Variants in RALYL observed in about 807,000 individuals in gnomAD.
RALYL encodes RNA-binding Raly-like protein.
RALYL carries 29 observed loss-of-function variants against 35.1 expected under a neutral mutation model. The ratio of observed to expected loss-of-function variants is 0.83; its 90% CI spans 0.61 to 1.13. The LOEUF is 1.13. Ranked by LOEUF, RALYL falls within the 50% of genes most tolerant of loss-of-function variation. RALYL has a pLI of 0.00. For missense variants in RALYL, 359 were observed against 360.4 expected, an observed-to-expected ratio of 1.00 and a Z score of 0.03; for synonymous variants, 120 against 127.6, an observed-to-expected ratio of 0.94 and a Z score of 0.40.
intron 1 of RALYL, among the ~76,000 whole-genome samples, chr8:84,528,235 C>T (rs1435628623): frequency 3.9e-5 from 6 of 152,012 alleles, no homozygotes; most frequent in Non-Finnish European, 4.4e-5. Flanking sequence ...ATGTCAGGGA[C>T]TGTTACCTTG....
intron 6 of RALYL, among the ~76,000 whole-genome samples, chr8:84,868,627 C>A (rs1453777645): frequency 6.6e-6 from 1 of 152,130 alleles, no homozygotes; most frequent in Non-Finnish European, 1.5e-5. Flanking sequence ...TAATGAAATG[C>A]AAGATGAACA....
At chr8:84,480,800 A>G (rs1158334159) in intron 1 of RALYL, among the ~76,000 whole-genome samples, 1 of 152,180 alleles carries the variant, frequency 6.6e-6, no homozygotes, top group Admixed American at 6.5e-5. Context: ...AATAAAGCAC[A>G]GCTATGAAAA....
chr8:84,617,411 A>G lies in RALYL; in HGVS notation c.256+87834A>G, dbSNP rs1353992757. On this transcript the variant is annotated intron_variant, in intron 2 of 8. Transcript: ENST00000521268. The stretch of plus-strand genomic sequence containing the variant: ...CTCTGTTTGTCTGTTGTTGGTGTAT[A>G]AGAATGCTTGTGATTTTTGTACACT... Among the ~76,000 whole-genome samples the G allele has an allele frequency of 4.0e-5, 6 of 148,464 alleles. No homozygotes were observed. The East Asian group carries it at 9.7e-4, about 24-fold the overall frequency.
chr8:84,261,392 A>G (rs1832276763), intron 1 of RALYL, among the ~76,000 whole-genome samples: 1 of 152,152 alleles, frequency 6.6e-6, no homozygotes, highest in Admixed American at 6.5e-5. Context: ...TTTCCTCCTT[A>G]TAGTAAGTTC....
intron 2 of RALYL, among the ~76,000 whole-genome samples, chr8:84,721,400 G>C (rs895809046): frequency 1.3e-5 from 2 of 152,046 alleles, no homozygotes; most frequent in African/African-American, 2.4e-5. Context: ...TTCATCAACA[G>C]ATGAATAAAC....
intron 2 of RALYL, among the ~76,000 whole-genome samples, chr8:84,664,263 A>ATT (rs60423756): frequency 0.44 from 25,526 of 57,998 alleles, 6,761 homozygotes; most frequent in Admixed American, 0.47. Context: ...ATGCCTCTAG[A>ATT]TTTTTTTTTT....
rs1459743117 is a variant in RALYL at position 84,884,062 on chromosome 8, A to G, written c.686-3542A>G. 2.0e-5 allele frequency among the ~76,000 whole-genome samples: 3 copies of G among 152,126 alleles called. No homozygotes were observed. In the East Asian group the frequency reaches 5.8e-4, roughly 29 times the overall value. ...AACCCTATATCCTTCCTGATACCTT[A>G]TCTCTTCATGTGCAAGGCATTCAGT... On this transcript the variant is annotated intron_variant, in intron 7 of 8. Coordinates refer to ENST00000521268, the MANE Select transcript of RALYL (RefSeq NM_173848.7).
At chr8:84,701,257 T>C (rs1006459124) in intron 2 of RALYL, among the ~76,000 whole-genome samples, 3 of 152,152 alleles carry the variant, frequency 2.0e-5, no homozygotes, top group African/African-American at 7.2e-5. Flanking sequence ...TGGGAGTACA[T>C]GGTCCAAGTT....
chr8:84,788,869 C>G (rs1473275952), intron 3 of RALYL, among the ~76,000 whole-genome samples: 2 of 152,096 alleles, frequency 1.3e-5, no homozygotes, highest in African/African-American at 4.8e-5. Context: ...AATATCTGAG[C>G]CTTTAAGTGG....
rs867794875 is a variant in RALYL, at chr8:84,496,655, G to T, written c.-23-32644G>T. Reference sequence around the variant, plus strand: ...GCACAACATACATTATTATTCTTATGTGTATCTATGAATATATTTCTAAAA... The same window carrying T: ...GCACAACATACATTATTATTCTTATTTGTATCTATGAATATATTTCTAAAA... On this transcript the variant is annotated intron_variant, in intron 1 of 8. Transcript: ENST00000521268. Among the ~76,000 whole-genome samples, 11 of 152,048 alleles carry T rather than the reference G, an allele frequency of 7.2e-5. No individual in the cohort carries two copies. The South Asian group carries it at 1.0e-3, about 14-fold the overall frequency.
intron 3 of RALYL, among the ~76,000 whole-genome samples, chr8:84,790,660 T>C (rs1476352182): frequency 6.6e-6 from 1 of 152,180 alleles, no homozygotes; most frequent in Non-Finnish European, 1.5e-5. Context: ...AAGAATTTAA[T>C]TGAGCAAAAA....
chr8:84,259,965 G>A (rs1280568325), intron 1 of RALYL, among the ~76,000 whole-genome samples: 2 of 152,076 alleles, frequency 1.3e-5, no homozygotes, highest in African/African-American at 4.8e-5. Context: ...GTATTCCCTG[G>A]AAAGGCTAAA....
chr8:84,818,524 C>T (rs1000531539), intron 4 of RALYL, among the ~76,000 whole-genome samples: 7 of 152,106 alleles, frequency 4.6e-5, no homozygotes, highest in African/African-American at 1.2e-4. Flanking sequence ...CCATACCCCA[C>T]GTATCAGACA....
At chr8:84,693,695 A>G (rs1175779448) in intron 2 of RALYL, among the ~76,000 whole-genome samples, 1 of 151,982 alleles carries the variant, frequency 6.6e-6, no homozygotes, top group Non-Finnish European at 1.5e-5. Flanking sequence ...TTCCTGATGA[A>G]CATAGATGTA....
chr8:84,749,326 ATT>A (rs56808126), intron 2 of RALYL, among the ~76,000 whole-genome samples: 2 of 151,650 alleles, frequency 1.3e-5, no homozygotes, highest in Non-Finnish European at 1.5e-5. Flanking sequence ...GCTTGTACCA[ATT>A]TTTTTTATAG....
At chr8:84,730,457 C>T (rs1396310337) in intron 2 of RALYL, among the ~76,000 whole-genome samples, 1 of 152,038 alleles carries the variant, frequency 6.6e-6, no homozygotes, top group African/African-American at 2.4e-5. Flanking sequence ...TGGAAGCATT[C>T]CCTTTGAAAA....
intron 2 of RALYL, among the ~76,000 whole-genome samples, chr8:84,657,536 C>T (rs997238679): frequency 2.0e-5 from 3 of 152,110 alleles, no homozygotes; most frequent in Admixed American, 2.0e-4. Context: ...TCTAGATATA[C>T]GTTACCAAGT....
intron 1 of RALYL, among the ~76,000 whole-genome samples, chr8:84,482,721 T>G (rs947387779): frequency 2.0e-5 from 3 of 152,108 alleles, no homozygotes; most frequent in Non-Finnish European, 4.4e-5. Context: ...GCTGTGTGTC[T>G]GTTTCACCTC....
intron 2 of RALYL, among the ~76,000 whole-genome samples, chr8:84,570,673 G>A (rs1248424086): frequency 1.3e-5 from 2 of 151,740 alleles, no homozygotes; most frequent in Non-Finnish European, 2.9e-5. Context: ...CAGTTCTTAG[G>A]GGAATGCTTT....
Sources: gnomAD v4.1 joint callset for allele counts (sites outside exome capture counted in the v4.1 genomes callset) on GRCh38, gnomAD v4.1.1 for gene constraint, MANE v1.5 for transcripts, NCBI Gene and HGNC (gene_info 2026-07-23, HGNC 2026-07-21) for gene names.